Variants in TIMP2 observed in about 807,000 individuals in gnomAD.
TIMP2 encodes TIMP metallopeptidase inhibitor 2.
Under a neutral mutation model 24.3 loss-of-function variants are expected in TIMP2, and 5 were observed. That is an observed-to-expected ratio of 0.21 (90% CI 0.11 to 0.43). The LOEUF (loss-of-function observed/expected upper bound fraction) is 0.43, where lower values mean the gene tolerates loss of function less well. TIMP2 is among the 20% of genes least tolerant of loss of function. The pLI, the probability that TIMP2 is intolerant of heterozygous loss-of-function variation, is 1.00. For missense variants in TIMP2, 221 were observed against 297.5 expected (o/e 0.74, Z 1.89); for synonymous variants, 130 against 123.2 (o/e 1.06, Z -0.37).
At chr17:78,910,824 C>CCA (rs1179817533) in intron 1 of TIMP2, among the ~76,000 whole-genome samples, 1 of 151,874 alleles carries the variant, frequency 6.6e-6, no homozygotes, top group Non-Finnish European at 1.5e-5. Context: ...GTACCAACAT[C>CCA]CACAATGAAA....
rs377510804 is a variant in TIMP2 at position 78,918,159 on chromosome 17, G to A, written c.130+6800C>T. ...CCCAAACCCGCCAGGCCTATCTCTG[G>A]CTGGGTGTTCACACACTCTGGGTTA... On this transcript the variant is annotated intron_variant, in intron 1 of 4. Transcript: ENST00000262768. 3.9e-5 allele frequency among the ~76,000 whole-genome samples: 6 copies of A among 152,022 alleles called. No homozygotes were observed. In the East Asian group the frequency reaches 1.2e-3, roughly 29 times the overall value.
chr17:78,912,779 G>A (rs2070220588), intron 1 of TIMP2, among the ~76,000 whole-genome samples: 1 of 152,224 alleles, frequency 6.6e-6, no homozygotes, highest in African/African-American at 2.4e-5. Context: ...TCTATGAACA[G>A]CCAGCTGGTA....
chr17:78,857,358 G>A lies in TIMP2; in HGVS notation c.465+164C>T, dbSNP rs1389768783. 5.4e-6 allele frequency: 5 copies of A among 928,282 alleles called. 1 individual carries two copies. The highest frequency in any genetic ancestry group is 8.0e-6 in the Non-Finnish European group (5 of 626,032). 57.5% of individuals were successfully genotyped at this position (928,282 alleles called of 1,614,324 possible). On this transcript the variant is annotated intron_variant, in intron 4 of 4. Coordinates refer to ENST00000262768, the MANE Select transcript of TIMP2 (RefSeq NM_003255.5). ...CCAGGGGTCAAAGGCTCTGTCCCCA[G>A]CCAGACAGCCTTACTCTTGGGATGA... is the stretch of plus-strand genomic sequence containing the variant.
At chr17:78,909,642 C>A (rs553839581) in intron 1 of TIMP2, among the ~76,000 whole-genome samples, 1 of 152,250 alleles carries the variant, frequency 6.6e-6, no homozygotes, top group East Asian at 1.9e-4. Flanking sequence ...GTTAGAGAGA[C>A]CCAGTGGTGA....
rs781341882 is a variant in TIMP2 at position 78,873,895 on chromosome 17, T to C, written c.155A>G (p.Glu52Gly). 3.1e-6 allele frequency: 5 copies of C among 1,613,398 alleles called. No homozygotes were observed. Among genetic ancestry groups the C allele is most frequent in the Non-Finnish European group, 4.2e-6 (5 of 1,179,988 alleles). ...DVVIRAKAVS[E>G]KEVDSGNDIY... is the part of the protein sequence containing the mutation. ...GTCGTTTCCAGAGTCCACTTCCTTC[T>C]CACTGACCGCTTTGGCCCTGATCAC... Residue 52 changes from glutamate (E) to glycine (G), a missense_variant, in exon 2 of 5, where the codon GAG (glutamate) becomes GGG (glycine). Glu to Gly is a moderately conservative substitution (Grantham distance 98, BLOSUM62 -2). Transcript: ENST00000262768.
At position 78,924,933 on chromosome 17, in the gene TIMP2, C is replaced by T; in HGVS notation, c.130+26G>A. ...GTCGCGGGGGAGGTGGGGCCCCGCG[C>T]GGGGGCTGGGGTCGCCGCTCCTTAC... On this transcript the variant is annotated intron_variant, in intron 1 of 4. Transcript: ENST00000262768. The surrounding 1 kb of genome is among the most constrained non-coding windows in gnomAD (Gnocchi z 5.3). 1 of 1,214,728 alleles carries T rather than the reference C, an allele frequency of 8.2e-7. No individual in the cohort carries two copies. The highest frequency in any genetic ancestry group is 1.0e-6 in the Non-Finnish European group (1 of 968,072). 75.2% of individuals were successfully genotyped at this position (1,214,728 alleles called of 1,614,324 possible).
At chr17:78,917,247 G>A (rs1239218669) in intron 1 of TIMP2, among the ~76,000 whole-genome samples, 5 of 63,028 alleles carry the variant, frequency 7.9e-5, no homozygotes, top group South Asian at 1.3e-3. Flanking sequence ...GCGAGACTCC[G>A]TCTCAAAAAA....
At chr17:78,858,962 G>A (rs1305238800) in intron 3 of TIMP2, among the ~76,000 whole-genome samples, 1 of 152,164 alleles carries the variant, frequency 6.6e-6, no homozygotes, top group Admixed American at 6.5e-5. Flanking sequence ...TTACAGGTGT[G>A]AGCCACTGCG....
chr17:78,895,368 TA>T (rs1355583604), intron 1 of TIMP2, among the ~76,000 whole-genome samples: 1 of 152,114 alleles, frequency 6.6e-6, no homozygotes, highest in African/African-American at 2.4e-5. Context: ...ATACAGCACA[TA>T]AAAACATGTT....
At chr17:78,908,471 G>C (rs886356724) in intron 1 of TIMP2, among the ~76,000 whole-genome samples, 1 of 152,164 alleles carries the variant, frequency 6.6e-6, no homozygotes. Context: ...AGGACAACAT[G>C]CCTCTTGGCC....
At chr17:78,860,176 CAAAACAAAAAAAACAAAAACA>C (rs2069556480) in intron 3 of TIMP2, among the ~76,000 whole-genome samples, 1 of 151,330 alleles carries the variant, frequency 6.6e-6, no homozygotes, top group Non-Finnish European at 1.5e-5. Context: ...ACTCTGTCTT[CAAAACAAAAAAAACAAAAACA>C]AAAACAAAAA....
chr17:78,871,016 CAAG>C lies in TIMP2; in HGVS notation c.232-13_232-11del. 2 of 1,608,510 alleles carry C rather than the reference CAAG, an allele frequency of 1.2e-6. No homozygotes were observed. Among genetic ancestry groups the C allele is most frequent in the Middle Eastern group, 1.7e-4 (1 of 6,042 alleles). On this transcript the variant is annotated splice_polypyrimidine_tract_variant and intron_variant, in intron 2 of 4. Transcript: ENST00000262768. ...CAGGCCCTTTGAACATCTGGAAAGACAAGGAGGAGGACATGTAAGCAGAGGGAG... is the reference window on the plus strand; with the variant it reads ...CAGGCCCTTTGAACATCTGGAAAGACGAGGAGGACATGTAAGCAGAGGGAG...
intron 1 of TIMP2, among the ~76,000 whole-genome samples, chr17:78,912,359 C>T (rs111764260): frequency 0.077 from 11,653 of 152,206 alleles, 506 homozygotes; most frequent in Middle Eastern, 0.13. Flanking sequence ...TGCTTTGCCA[C>T]GTCTGTGTCA....
At chr17:78,894,425 A>G (rs57054820) in intron 1 of TIMP2, among the ~76,000 whole-genome samples, 10,500 of 152,012 alleles carry the variant, frequency 0.069, 1,116 homozygotes, top group African/African-American at 0.24. Flanking sequence ...AGTGGTTAAT[A>G]TTATATTTAG....
At chr17:78,869,329 G>A (rs1260041855) in intron 3 of TIMP2, among the ~76,000 whole-genome samples, 1 of 151,410 alleles carries the variant, frequency 6.6e-6, no homozygotes, top group Non-Finnish European at 1.5e-5. Context: ...AGGCTGAGGC[G>A]AGAGGATCAC....
At chr17:78,919,631 G>C (rs1324561753) in intron 1 of TIMP2, among the ~76,000 whole-genome samples, 1 of 152,110 alleles carries the variant, frequency 6.6e-6, no homozygotes, top group Non-Finnish European at 1.5e-5. Flanking sequence ...TCAGGAGATC[G>C]AGACCATCCC....
At chr17:78,890,862 CTCT>C in intron 1 of TIMP2, 1 of 1,550,662 alleles carries the variant, frequency 6.4e-7, no homozygotes, top group South Asian at 1.2e-5. Flanking sequence ...GCCAGTCGAG[CTCT>C]TCTTTGCTCC....
intron 1 of TIMP2, among the ~76,000 whole-genome samples, chr17:78,912,339 A>G (rs1433190161): frequency 6.6e-6 from 1 of 152,102 alleles, no homozygotes; most frequent in Non-Finnish European, 1.5e-5. Flanking sequence ...AGCCTGCCCC[A>G]CTGCCAGTTT....
At chr17:78,910,902 G>A (rs2070201295) in intron 1 of TIMP2, among the ~76,000 whole-genome samples, 1 of 152,134 alleles carries the variant, frequency 6.6e-6, no homozygotes, top group South Asian at 2.1e-4. Context: ...CTTGGCTATT[G>A]TGAACAGTGC....
Sources: allele counts gnomAD v4.1 joint callset (sites outside exome capture counted in the v4.1 genomes callset), GRCh38; gene constraint gnomAD v4.1.1; non-coding constraint Gnocchi (gnomAD v3.1); transcripts MANE v1.5; gene names NCBI Gene and HGNC (gene_info 2026-07-23, HGNC 2026-07-21).